IPO11: variants seen among roughly 807,000 people sequenced by gnomAD.
The protein encoded by IPO11 is importin 11, also known as importin-11.
IPO11 carries 66 observed loss-of-function variants against 143.2 expected under a neutral mutation model. The ratio of observed to expected loss-of-function variants is 0.46; its 90% CI spans 0.38 to 0.57. The LOEUF is 0.57. IPO11 is among the 20% of genes least tolerant of loss of function. The pLI, the probability that IPO11 is intolerant of heterozygous loss-of-function variation, is 0.00. For missense variants in IPO11, 1,026 were observed against 1,141.0 expected (o/e 0.90, Z 1.45); for synonymous variants, 385 against 377.8 (o/e 1.02, Z -0.22).
At chr5:62,559,094 A>G (rs1255729312) in intron 26 of IPO11, among the ~76,000 whole-genome samples, 1 of 152,178 alleles carries the variant, frequency 6.6e-6, no homozygotes, top group Non-Finnish European at 1.5e-5. Flanking sequence ...TTTTGCTGGT[A>G]GATGGTCTTG....
chr5:62,606,686 A>G (rs2112457717), intron 29 of IPO11, among the ~76,000 whole-genome samples: 1 of 150,466 alleles, frequency 6.6e-6, no homozygotes, highest in South Asian at 2.1e-4. Flanking sequence ...AATACAAAAA[A>G]ATTAGCCGGG....
At position 62,463,017 on chromosome 5, in the gene IPO11, A is replaced by G. The variant is rs571267541; in HGVS notation, c.517-4114A>G. Among the ~76,000 whole-genome samples the G allele has an allele frequency of 2.8e-4, 42 of 152,062 alleles. 1 individual carries two copies. The South Asian group carries it at 7.1e-3, about 26-fold the overall frequency. On this transcript the variant is annotated intron_variant, in intron 5 of 29. Coordinates refer to ENST00000325324, the MANE Select transcript of IPO11 (RefSeq NM_016338.5). ...ACACACATATATTACTTATATGTATATGAATATATGTGTATATATAAGAAA... is the reference window on the plus strand; with the variant it reads ...ACACACATATATTACTTATATGTATGTGAATATATGTGTATATATAAGAAA...
At chr5:62,440,733 C>T (rs1475825125) in intron 2 of IPO11, among the ~76,000 whole-genome samples, 2 of 151,916 alleles carry the variant, frequency 1.3e-5, no homozygotes, top group Non-Finnish European at 2.9e-5. Flanking sequence ...GAGGCCAGGG[C>T]AGGTGGATCA....
chr5:62,514,653 C>A (rs1242052238), intron 19 of IPO11, among the ~76,000 whole-genome samples: 2 of 149,294 alleles, frequency 1.3e-5, no homozygotes, highest in Admixed American at 1.3e-4. Flanking sequence ...GAGGACATCC[C>A]CAAGGATATT....
chr5:62,618,784 G>A (rs1396939005), intron 29 of IPO11, among the ~76,000 whole-genome samples: 2 of 152,098 alleles, frequency 1.3e-5, no homozygotes, highest in Non-Finnish European at 1.5e-5. Flanking sequence ...AGTGGTGGGC[G>A]CCTGTAGTCC....
chr5:62,480,288 G>A (rs1008840131), intron 9 of IPO11, among the ~76,000 whole-genome samples: 23 of 152,136 alleles, frequency 1.5e-4, no homozygotes, highest in Non-Finnish European at 2.6e-4. Flanking sequence ...ATTCTGTTCC[G>A]TTGGTCTATA....
chr5:62,604,854 A>G lies in IPO11; in HGVS notation c.2763+3006A>G, dbSNP rs375778350. Among the ~76,000 whole-genome samples, 8 of 152,326 alleles carry G rather than the reference A, an allele frequency of 5.3e-5. No individual in the cohort carries two copies. In the South Asian group the frequency reaches 1.2e-3, roughly 24 times the overall value. On this transcript the variant is annotated intron_variant, in intron 29 of 29. Coordinates refer to ENST00000325324, the MANE Select transcript of IPO11 (RefSeq NM_016338.5). ...TATTGTATAACATTTAATAAATCCA[A>G]TTATGAATACATGCTAATTTTCCAA...
At chr5:62,526,099 C>T in intron 20 of IPO11, 43 bp from the exon 21 acceptor site, 3 of 1,275,548 alleles carry the variant, frequency 2.4e-6, no homozygotes, top group Non-Finnish European at 3.4e-6. Context: ...CGGGATGGGA[C>T]ATTAGAGTGT....
chr5:62,524,622 C>T (rs891428926), intron 20 of IPO11, among the ~76,000 whole-genome samples: 1 of 152,028 alleles, frequency 6.6e-6, no homozygotes, highest in African/African-American at 2.4e-5. Context: ...TGGAAAACTC[C>T]TTAATAAAGC....
chr5:62,424,137 G>C (rs1743618093), intron 1 of IPO11, among the ~76,000 whole-genome samples: 1 of 130,118 alleles, frequency 7.7e-6, no homozygotes, highest in African/African-American at 2.7e-5. Context: ...TCCCACCTCA[G>C]CTTTTTTTTT....
At chr5:62,521,693 A>G (rs1489379345) in intron 20 of IPO11, among the ~76,000 whole-genome samples, 1 of 150,530 alleles carries the variant, frequency 6.6e-6, no homozygotes, top group Non-Finnish European at 1.5e-5. Context: ...CATGATAGAT[A>G]TTCTGAACCA....
intron 3 of IPO11, among the ~76,000 whole-genome samples, chr5:62,448,341 C>A (rs1744792005): frequency 6.6e-6 from 1 of 152,096 alleles, no homozygotes; most frequent in African/African-American, 2.4e-5. Flanking sequence ...CTATTCAAAA[C>A]CTGTGAATTT....
rs996376104 is a variant in IPO11, at chr5:62,537,364, A to T, written c.2250+75A>T. 10 of 984,984 alleles carry T rather than the reference A, an allele frequency of 1.0e-5. No individual in the cohort carries two copies. In the South Asian group the frequency reaches 1.4e-4, roughly 14 times the overall value. 61.0% of individuals were successfully genotyped at this position (984,984 alleles called of 1,614,324 possible). On this transcript the variant is annotated intron_variant, in intron 24 of 29. Transcript: ENST00000325324. ...TTTATGAAATTGGACTTTCATTTGG[A>T]TGGTTCGCAAGAAGGAGAAGAGTTG...
intron 28 of IPO11, among the ~76,000 whole-genome samples, chr5:62,594,813 A>G (rs1180525022): frequency 6.6e-6 from 1 of 152,192 alleles, no homozygotes; most frequent in African/African-American, 2.4e-5. Flanking sequence ...GGACCAATGG[A>G]GCAATACCAG....
At chr5:62,570,747 C>T (rs1744106667) in intron 27 of IPO11, among the ~76,000 whole-genome samples, 1 of 152,192 alleles carries the variant, frequency 6.6e-6, no homozygotes, top group Admixed American at 6.5e-5. Flanking sequence ...TAGATAAAAG[C>T]TTCTGGCAAA....
At chr5:62,568,914 G>T (rs540953937) in intron 27 of IPO11, among the ~76,000 whole-genome samples, 1 of 152,140 alleles carries the variant, frequency 6.6e-6, no homozygotes, top group African/African-American at 2.4e-5. Context: ...ATTCAAAAGG[G>T]ACTGACTGTT....
intron 1 of IPO11, among the ~76,000 whole-genome samples, chr5:62,435,136 G>GTA (rs200504250): frequency 0.027 from 2,555 of 95,088 alleles, 170 homozygotes; most frequent in African/African-American, 0.059. Context: ...GTATATATAT[G>GTA]TATATATGTA....
At chr5:62,566,757 T>G (rs995226552) in intron 27 of IPO11, among the ~76,000 whole-genome samples, 9 of 151,826 alleles carry the variant, frequency 5.9e-5, no homozygotes, top group Non-Finnish European at 1.0e-4. Flanking sequence ...AAAAAAAGGT[T>G]TGTCTTTATA....
chr5:62,434,669 C>G (rs551938542), intron 1 of IPO11, among the ~76,000 whole-genome samples: 6 of 151,978 alleles, frequency 3.9e-5, no homozygotes, highest in Non-Finnish European at 8.8e-5. Context: ...TAAAATATCT[C>G]AGTATATTTA....
Sources: allele counts gnomAD v4.1 joint callset (sites outside exome capture counted in the v4.1 genomes callset), GRCh38; gene constraint gnomAD v4.1.1; transcripts MANE v1.5; gene names NCBI Gene and HGNC (gene_info 2026-07-23, HGNC 2026-07-21).